COL16A1: variants seen among roughly 807,000 people sequenced by gnomAD.
COL16A1 encodes collagen alpha-1(XVI) chain.
In COL16A1, 189 loss-of-function variants were observed where a neutral mutation model predicts 266.3. That is an observed-to-expected ratio of 0.71 (90% CI 0.63 to 0.80). The LOEUF (loss-of-function observed/expected upper bound fraction) is 0.80, where lower values mean the gene tolerates loss of function less well. COL16A1 is among the 30% of genes least tolerant of loss of function. The pLI, the probability that COL16A1 is intolerant of heterozygous loss-of-function variation, is 0.00. For missense variants in COL16A1, 1,928 were observed against 2,122.4 expected, an observed-to-expected ratio of 0.91 and a Z score of 1.80; for synonymous variants, 740 against 782.3, an observed-to-expected ratio of 0.95 and a Z score of 0.90.
chr1:31,653,381 C>G (rs1043109409), intron 70 of COL16A1: 2 of 536,200 alleles, frequency 3.7e-6, no homozygotes, highest in African/African-American at 3.8e-5. Flanking sequence ...CTGCATCATG[C>G]TAGCCCAGTT....
rs1051425964 is a variant in COL16A1 at position 31,688,874 on chromosome 1, A to C, written c.1754T>G (p.Leu585Arg). Residue 585 changes from leucine (L) to arginine (R), a missense_variant, in exon 25 of 71, where the codon CTG becomes CGG. Transcript: ENST00000373672. This position sits in a 1 kb window ranked among gnomAD's most constrained non-coding sequence, Gnocchi z 4.9. ...SGDVGSPGFG[L>R]PGLPGRAGVP... Reference sequence around the variant, plus strand: ...GTCGTCACTCACCGGAAGGCCAGGCAGACCAAAGCCAGGGGAACCCACATC... The same window carrying C: ...GTCGTCACTCACCGGAAGGCCAGGCCGACCAAAGCCAGGGGAACCCACATC... 3.1e-6 allele frequency: 5 copies of C among 1,613,826 alleles called. No individual in the cohort carries two copies. Among genetic ancestry groups the C allele is most frequent in the Non-Finnish European group, 4.2e-6 (5 of 1,179,904 alleles).
intron 49 of COL16A1, among the ~76,000 whole-genome samples, chr1:31,669,505 C>G (rs1230385783): frequency 6.6e-6 from 1 of 152,068 alleles, no homozygotes; most frequent in Non-Finnish European, 1.5e-5. Context: ...GGGCACCTTT[C>G]CTGCCCCCTT....
chr1:31,690,411 A>G lies in COL16A1; in HGVS notation c.1483-18T>C. 1.2e-6 allele frequency: 2 copies of G among 1,614,140 alleles called. No individual in the cohort carries two copies. The highest frequency in any genetic ancestry group is 1.7e-6 in the Non-Finnish European group (2 of 1,180,010). The stretch of plus-strand genomic sequence containing the variant: ...GGCTTCCCCTGTTAGAAAAGAGGCA[A>G]TGGGCATCAGTGCCAGGGCAGAGGG... On this transcript the variant is annotated intron_variant, in intron 21 of 70. Coordinates refer to ENST00000373672, the MANE Select transcript of COL16A1 (RefSeq NM_001856.4).
rs773172668 is a variant in COL16A1, at chr1:31,681,007, A to G, written c.2583+16T>C. On this transcript the variant is annotated intron_variant, in intron 38 of 70. Transcript: ENST00000373672. ...GCCGGCCATGGCTTCCTGCTGCCCC[A>G]AGGCACTGTACTCACTGGTGTTCCT... 6.2e-7 allele frequency: 1 copy of G among 1,613,814 alleles called. No homozygotes were observed. The highest frequency in any genetic ancestry group is 8.5e-7 in the Non-Finnish European group (1 of 1,179,862).
Position 31,698,753 on chromosome 1 carries a change from T to G in COL16A1, c.267-147A>C. On this transcript the variant is annotated intron_variant, in intron 4 of 70. Transcript: ENST00000373672. The surrounding 1 kb of genome is among the most constrained non-coding windows in gnomAD (Gnocchi z 4.1). ...TACATTCATTCACTCTCCATACCTTTACTGAGTGCCTTCCGCGAGCTAGGT... is the reference window on the plus strand; with the variant it reads ...TACATTCATTCACTCTCCATACCTTGACTGAGTGCCTTCCGCGAGCTAGGT... The G allele has an allele frequency of 1.5e-6, 2 of 1,328,530 alleles. No individual in the cohort carries two copies. Among genetic ancestry groups the G allele is most frequent in the Non-Finnish European group, 2.0e-6 (2 of 995,244 alleles). The allele number at this position is 1,328,530 out of a possible 1,614,324, so 82.3% of individuals were successfully genotyped here.
In COL16A1 at chr1:31,668,981, G is replaced by T. The variant is rs1010359975; in HGVS notation, c.3196-126C>A. The T allele has an allele frequency of 3.6e-5, 29 of 797,800 alleles. No individual in the cohort carries two copies. In the African/African-American group the frequency reaches 4.3e-4, roughly 12 times the overall value. 49.4% of individuals were successfully genotyped at this position (797,800 alleles called of 1,614,324 possible). On this transcript the variant is annotated intron_variant, in intron 49 of 70. Coordinates refer to ENST00000373672, the MANE Select transcript of COL16A1 (RefSeq NM_001856.4). The surrounding 1 kb of genome is among the most constrained non-coding windows in gnomAD (Gnocchi z 5.8). The stretch of plus-strand genomic sequence containing the variant: ...AAATATGGAGGCCATAGTGGCTCTC[G>T]TAGTGTCCCTAGAAGGTGACCCGTA...
chr1:31,665,287 C>A, intron 55 of COL16A1, 53 bp from the exon 56 acceptor site: 1 of 1,571,958 alleles, frequency 6.4e-7, no homozygotes, highest in Non-Finnish European at 8.6e-7. Context: ...AGGGGGAGCT[C>A]CCCTTCTTTA....
chr1:31,687,276 G>A (rs914451264), intron 26 of COL16A1, among the ~76,000 whole-genome samples: 8 of 151,896 alleles, frequency 5.3e-5, no homozygotes, highest in African/African-American at 1.9e-4. Flanking sequence ...CAGCTAATTG[G>A]GAGGCTGAGG....
chr1:31,696,966 G>C lies in COL16A1; in HGVS notation c.861C>G (p.Ser287Arg), dbSNP rs367544171. The change falls in exon 8 of 71, where the codon AGC (serine) becomes AGG (arginine). Residue 287 changes from serine (S) to arginine (R), a missense_variant. By Grantham distance (110) the Ser-to-Arg change is moderately radical. Around this residue, in one of 2 missense-constraint regions of COL16A1, gnomAD observed 1,552 missense variants for 1,637.2 expected, o/e 0.95. Transcript: ENST00000373672. ...RCFCLEEPQNSEVDAQLTGRI... is the reference protein window; with the variant it reads ...RCFCLEEPQNREVDAQLTGRI... ...TCCACCTGTCCTGCCCACCCACCTC[G>C]CTGTTTTGAGGCTCCTCCAGGCAGA... is the stretch of plus-strand genomic sequence containing the variant. The C allele has an allele frequency of 6.2e-7, 1 of 1,613,776 alleles. No homozygotes were observed. The highest frequency in any genetic ancestry group is 8.5e-7 in the Non-Finnish European group (1 of 1,180,000).
intron 54 of COL16A1, 40 bp from the exon 55 acceptor site, chr1:31,665,658 C>T (rs772708117): frequency 1.2e-6 from 2 of 1,608,066 alleles, no homozygotes; most frequent in South Asian, 1.1e-5. Context: ...GTGCCACCCC[C>T]TCTCTCCTGC....
chr1:31,660,426 G>C (rs974317721), intron 62 of COL16A1, among the ~76,000 whole-genome samples, 159 bp downstream of exon 62: 4 of 152,198 alleles, frequency 2.6e-5, no homozygotes, highest in African/African-American at 9.7e-5. Context: ...AGAAAATAAC[G>C]AAAAGCCTGG....
Position 31,658,678 on chromosome 1 carries a change from G to A in COL16A1, c.3931-101C>T. On this transcript the variant is annotated intron_variant, in intron 63 of 70. Transcript: ENST00000373672. ...ACCCCATCGTGTGCCAGGGACTACA[G>A]GGAGAGGTGGCACTGCCTGAACTTG... 5 of 1,186,274 alleles carry A rather than the reference G, an allele frequency of 4.2e-6. No individual in the cohort carries two copies. The South Asian group carries it at 5.3e-5, about 13-fold the overall frequency. 73.5% of individuals were successfully genotyped at this position (1,186,274 alleles called of 1,614,324 possible).
Position 31,653,892 on chromosome 1 carries a change from T to C in COL16A1, c.4509A>G (p.Gly1503=). 3 of 1,613,246 alleles carry C rather than the reference T, an allele frequency of 1.9e-6. No individual in the cohort carries two copies. The highest frequency in any genetic ancestry group is 2.5e-6 in the Non-Finnish European group (3 of 1,179,384). The change falls in exon 69 of 71, where the codon GGA becomes GGG. Residue 1503 remains glycine (G), a synonymous_variant. Transcript: ENST00000373672. ...CTCTTACTCCTGGCAAGCCCTGCCG[T>C]CCTTCTCTGCCAATCTGACCAGGGA... The part of the protein sequence containing the change: ...PGLPGQIGRE[G]RQGLPGVRGL...
In COL16A1 at chr1:31,679,818, G is replaced by T. The variant is rs751191402; in HGVS notation, c.2704C>A (p.Gln902Lys). ...AAGCGACACACCTGCGGGCCCGGCT[G>T]CCAGGAGCTGCCCATCCAAAGTCCC... ...APGLWMGSSW[Q>K]PGPQGPPGIP... The change falls in exon 41 of 71, where the codon CAG (glutamine) becomes AAG (lysine). Residue 902 changes from glutamine (Q) to lysine (K), a missense_variant. By Grantham distance (53) the Gln-to-Lys change is moderately conservative. This residue lies in a region of COL16A1 where 1,552 missense variants were observed against 1,637.2 expected (regional missense o/e 0.95). Coordinates refer to ENST00000373672, the MANE Select transcript of COL16A1 (RefSeq NM_001856.4). The T allele has an allele frequency of 1.9e-6, 3 of 1,544,966 alleles. No individual in the cohort carries two copies. Among genetic ancestry groups the T allele is most frequent in the Non-Finnish European group, 2.6e-6 (3 of 1,148,104 alleles).
chr1:31,672,345 GC>G, intron 47 of COL16A1, 70 bp downstream of exon 47: 2 of 1,565,282 alleles, frequency 1.3e-6, no homozygotes, highest in East Asian at 2.2e-5. Flanking sequence ...GGCCTCGGAG[GC>G]CCCCAAGAGG....
At chr1:31,702,875 G>C (rs933869691) in intron 1 of COL16A1, among the ~76,000 whole-genome samples, 2 of 151,840 alleles carry the variant, frequency 1.3e-5, no homozygotes, top group African/African-American at 4.8e-5. Flanking sequence ...AGCCACCCCC[G>C]CCCCCAGCTG....
intron 20 of COL16A1, among the ~76,000 whole-genome samples, chr1:31,690,941 T>C (rs1053572737): frequency 1.3e-5 from 2 of 152,154 alleles, no homozygotes; most frequent in Admixed American, 1.3e-4. Context: ...TTTACAACAC[T>C]TAGGTCTGCC....
At position 31,664,917 on chromosome 1, in the gene COL16A1, C is replaced by A. The variant is rs1319508780; in HGVS notation, c.3555+255G>T. Among the ~76,000 whole-genome samples, 1 of 152,150 alleles carries A rather than the reference C, an allele frequency of 6.6e-6. No individual in the cohort carries two copies. The highest frequency in any genetic ancestry group is 1.5e-5 in the Non-Finnish European group (1 of 68,030). ...CTCCCTGCCTTTCCCCCCATCACAG[C>A]AGACAAGGGCCTGGGCTGCACAGAG... On this transcript the variant is annotated intron_variant, in intron 56 of 70. Coordinates refer to ENST00000373672, the MANE Select transcript of COL16A1 (RefSeq NM_001856.4). This position sits in a 1 kb window ranked among gnomAD's most constrained non-coding sequence, Gnocchi z 5.5.
At chr1:31,683,576 TC>T in intron 34 of COL16A1, 130 bp downstream of exon 34, 1 of 1,581,430 alleles carries the variant, frequency 6.3e-7, no homozygotes, top group Non-Finnish European at 8.6e-7. Flanking sequence ...TGCGGCCTGA[TC>T]CCTGGTCCCA....
Sources: gnomAD v4.1 joint callset for allele counts (sites outside exome capture counted in the v4.1 genomes callset) on GRCh38, gnomAD v4.1.1 for gene constraint, gnomAD v4.1.1 regional missense constraint, Gnocchi (gnomAD v3.1) non-coding constraint, MANE v1.5 for transcripts, NCBI Gene and HGNC (gene_info 2026-07-23, HGNC 2026-07-21) for gene names.